Variants in NRG2 observed in about 807,000 individuals in gnomAD.
NRG2 encodes neuregulin 2, also known as pro-neuregulin-2, membrane-bound isoform.
A neutral mutation model predicts 73.9 loss-of-function variants in NRG2; 27 were observed. That is an observed-to-expected ratio of 0.37 (90% CI 0.27 to 0.50). The LOEUF (loss-of-function observed/expected upper bound fraction) is 0.50. NRG2 is among the 20% of genes least tolerant of loss of function. NRG2 has a pLI of 0.96. For synonymous variants in NRG2, 532 were observed against 541.0 expected, an observed-to-expected ratio of 0.98 and a Z score of 0.23; for missense variants, 1,126 against 1,210.1, an observed-to-expected ratio of 0.93 and a Z score of 1.03.
At chr5:139,902,607 C>T (rs894981480) in intron 1 of NRG2, among the ~76,000 whole-genome samples, 2 of 152,156 alleles carry the variant, frequency 1.3e-5, no homozygotes, top group Non-Finnish European at 2.9e-5. Context: ...TGAAGCCCAC[C>T]GAGTGCTTGC....
Position 139,918,398 on chromosome 5 carries a change from T to TA in NRG2, c.701-30888dup, listed in dbSNP as rs201197236. 4.2e-3 allele frequency among the ~76,000 whole-genome samples: 642 copies of TA among 152,076 alleles called. 3 individuals carry two copies. Among genetic ancestry groups the TA allele is most frequent in the African/African-American group, 0.015 (626 of 41,484 alleles). On this transcript the variant is annotated intron_variant, in intron 1 of 9. Coordinates refer to ENST00000361474, the MANE Select transcript of NRG2 (RefSeq NM_004883.3). The stretch of plus-strand genomic sequence containing the variant: ...GATAGTAGCTTTTAGCTTTTTTAGC[T>TA]AAAAAAAACTAAAGATGACAGCACA...
intron 1 of NRG2, among the ~76,000 whole-genome samples, chr5:140,029,669 C>T (rs1760977096): frequency 1.0e-5 from 1 of 98,346 alleles, no homozygotes; most frequent in Non-Finnish European, 2.2e-5. Flanking sequence ...GCCTGGGTGA[C>T]AGAGCAAGAC....
rs770938576 is a variant in NRG2 at position 139,851,856 on chromosome 5, CGAG to C, written c.1545-28_1545-26del. On this transcript the variant is annotated intron_variant, in intron 8 of 9. Coordinates refer to ENST00000361474, the MANE Select transcript of NRG2 (RefSeq NM_004883.3). The surrounding 1 kb of genome is among the most constrained non-coding windows in gnomAD (Gnocchi z 4.2). ...TCTGGGAAGGCCAGATGGGGTGAGA[CGAG>C]GGGTCAGGAAGGGGCAGGGCGGCCC... 6 of 1,609,946 alleles carry C rather than the reference CGAG, an allele frequency of 3.7e-6. No individual in the cohort carries two copies. Among genetic ancestry groups the C allele is most frequent in the African/African-American group, 2.7e-5 (2 of 74,828 alleles).
intron 2 of NRG2, among the ~76,000 whole-genome samples, chr5:139,886,107 G>A (rs999813963): frequency 6.6e-6 from 1 of 152,156 alleles, no homozygotes; most frequent in Non-Finnish European, 1.5e-5. Context: ...CTTAGGAAGC[G>A]GCATTCTTTC....
At chr5:139,985,700 A>G (rs777097955) in intron 1 of NRG2, among the ~76,000 whole-genome samples, 2 of 152,158 alleles carry the variant, frequency 1.3e-5, no homozygotes, top group Non-Finnish European at 1.5e-5. Flanking sequence ...AGGCTTCCCA[A>G]TCTCAGGGGA....
At chr5:140,031,476 T>C (rs1441412252) in intron 1 of NRG2, among the ~76,000 whole-genome samples, 1 of 152,210 alleles carries the variant, frequency 6.6e-6, no homozygotes, top group Non-Finnish European at 1.5e-5. Flanking sequence ...TTTCTTTCTT[T>C]TAAAAAAATT....
chr5:139,905,266 C>T (rs1765156933), intron 1 of NRG2, among the ~76,000 whole-genome samples: 1 of 152,216 alleles, frequency 6.6e-6, no homozygotes, highest in Non-Finnish European at 1.5e-5. Flanking sequence ...CTGGAGAGGA[C>T]AGAGTCCTCC....
At chr5:139,912,284 A>C (rs1457953293) in intron 1 of NRG2, among the ~76,000 whole-genome samples, 1 of 114 alleles carries the variant, frequency 8.8e-3, no homozygotes, top group Non-Finnish European at 0.014. Flanking sequence ...GGCCTTGCCC[A>C]ATATAGCATT....
chr5:140,007,646 C>T (rs963691636), intron 1 of NRG2, among the ~76,000 whole-genome samples: 1 of 152,178 alleles, frequency 6.6e-6, no homozygotes, highest in Non-Finnish European at 1.5e-5. Context: ...TTCCAAGTAT[C>T]TTTAGGGTAG....
At chr5:140,011,168 T>C (rs1252900463) in intron 1 of NRG2, among the ~76,000 whole-genome samples, 2 of 152,236 alleles carry the variant, frequency 1.3e-5, no homozygotes, top group Non-Finnish European at 2.9e-5. Flanking sequence ...CCACAGCCTA[T>C]CTTATATCTT....
At chr5:139,909,761 C>T (rs907511334) in intron 1 of NRG2, among the ~76,000 whole-genome samples, 13 of 152,208 alleles carry the variant, frequency 8.5e-5, no homozygotes, top group African/African-American at 3.1e-4. Flanking sequence ...AGCCTGGAAG[C>T]CCATTCCCCA....
intron 5 of NRG2, among the ~76,000 whole-genome samples, chr5:139,858,280 T>A (rs769408929): frequency 2.6e-5 from 4 of 152,172 alleles, no homozygotes; most frequent in Non-Finnish European, 5.9e-5. Context: ...AACCACATGA[T>A]CTCTATACCT....
intron 5 of NRG2, among the ~76,000 whole-genome samples, chr5:139,860,302 G>A (rs182294696): frequency 6.6e-6 from 1 of 152,294 alleles, no homozygotes; most frequent in Admixed American, 6.5e-5. Context: ...ATCAGTGCCA[G>A]GCCTTCAGCA....
chr5:140,026,473 T>G (rs1334951647), intron 1 of NRG2, among the ~76,000 whole-genome samples: 3 of 152,108 alleles, frequency 2.0e-5, no homozygotes, highest in Non-Finnish European at 1.5e-5. Flanking sequence ...CAGTGGCACA[T>G]GACTGCAGGC....
intron 1 of NRG2, among the ~76,000 whole-genome samples, chr5:139,909,633 G>C (rs1765459893): frequency 6.6e-6 from 1 of 152,096 alleles, no homozygotes; most frequent in South Asian, 2.1e-4. Flanking sequence ...TCATTTTAGT[G>C]CCTGAAAGTC....
chr5:139,942,714 G>A (rs975837961), intron 1 of NRG2, among the ~76,000 whole-genome samples: 4 of 152,160 alleles, frequency 2.6e-5, no homozygotes, highest in African/African-American at 9.7e-5. Context: ...TTTGCAGAAA[G>A]ACTAATACTC....
chr5:139,847,817 AT>A lies in NRG2; in HGVS notation c.*99del. 1.3e-6 allele frequency: 1 copy of A among 755,774 alleles called. No homozygotes were observed. Among genetic ancestry groups the A allele is most frequent in the Non-Finnish European group, 1.8e-6 (1 of 543,258 alleles). The allele number at this position is 755,774 out of a possible 1,614,324, so 46.8% of individuals were successfully genotyped here. On this transcript the variant is annotated 3_prime_UTR_variant, in exon 10 of 10. Coordinates refer to ENST00000361474, the MANE Select transcript of NRG2 (RefSeq NM_004883.3). Reference sequence around the variant, plus strand: ...TTTTTTCCTTTTATAGAAAATAAAAATATTTTTATTTCTTTTTTCCTCCTTT... The same window carrying A: ...TTTTTTCCTTTTATAGAAAATAAAAAATTTTTATTTCTTTTTTCCTCCTTT...
rs145177568 is a variant in NRG2 at position 139,980,741 on chromosome 5, C to T, written c.700+61629G>A. Among the ~76,000 whole-genome samples, 278 of 152,334 alleles carry T rather than the reference C, an allele frequency of 1.8e-3. 1 individual carries two copies. The highest frequency in any genetic ancestry group is 3.6e-3 in the Non-Finnish European group (246 of 68,028). ...TCTCTACAATCAGTTGGCTTCAATA[C>T]AGAATTTTCCACCCAGTTTCCTTCC... On this transcript the variant is annotated intron_variant, in intron 1 of 9. Transcript: ENST00000361474.
chr5:139,901,482 C>A (rs1456991619), intron 1 of NRG2, among the ~76,000 whole-genome samples: 1 of 152,146 alleles, frequency 6.6e-6, no homozygotes, highest in Non-Finnish European at 1.5e-5. Flanking sequence ...CCGATACATG[C>A]ACATGAGCAT....
Sources: allele counts gnomAD v4.1 joint callset (sites outside exome capture counted in the v4.1 genomes callset), GRCh38; gene constraint gnomAD v4.1.1; non-coding constraint Gnocchi (gnomAD v3.1); transcripts MANE v1.5; gene names NCBI Gene and HGNC (gene_info 2026-07-23, HGNC 2026-07-21).